KDM3B: variants seen among roughly 807,000 people sequenced by gnomAD.
KDM3B encodes lysine demethylase 3B.
In KDM3B, 10 loss-of-function variants were observed where a neutral mutation model predicts 170.0. The observed-to-expected ratio is 0.06, with a 90% confidence interval of 0.04 to 0.10. The LOEUF is 0.10. Among genes scored for constraint, KDM3B ranks in the 10% least tolerant of loss-of-function variants. The pLI, the probability that KDM3B is intolerant of heterozygous loss-of-function variation, is 1.00. For missense variants in KDM3B, 1,394 were observed against 2,195.2 expected, an observed-to-expected ratio of 0.64 and a Z score of 7.29; for synonymous variants, 831 against 834.8, an observed-to-expected ratio of 1.00 and a Z score of 0.08.
intron 11 of KDM3B, among the ~76,000 whole-genome samples, chr5:138,414,114 A>C (rs1482785663): frequency 6.6e-6 from 1 of 152,236 alleles, no homozygotes; most frequent in African/African-American, 2.4e-5. Context: ...CCCAACACAA[A>C]GACTGCATCC....
chr5:138,391,560 A>G lies in KDM3B; in HGVS notation c.1928A>G (p.Lys643Arg). ...AATCCTTTCCTGGCATTTGTGGAGA[A>G]AGTTGAACACAGCCCTTTCAGTAGT... Reference protein sequence around the residue: ...PSNPFLAFVEKVEHSPFSSFA... With the variant: ...PSNPFLAFVERVEHSPFSSFA... The change falls in exon 8 of 24, where the codon AAA (lysine) becomes AGA (arginine). Residue 643 changes from lysine (K) to arginine (R), a missense_variant. Lys to Arg is a conservative substitution (Grantham distance 26). Around this residue, in one of 19 missense-constraint regions of KDM3B, gnomAD observed 294 missense variants for 311.7 expected, o/e 0.94. Transcript: ENST00000314358. The surrounding 1 kb of genome is among the most constrained non-coding windows in gnomAD (Gnocchi z 5.0). 1.2e-6 allele frequency: 2 copies of G among 1,614,088 alleles called. No individual in the cohort carries two copies. Among genetic ancestry groups the G allele is most frequent in the Non-Finnish European group, 1.7e-6 (2 of 1,180,010 alleles).
At chr5:138,400,068 T>C in intron 11 of KDM3B, 56 bp downstream of exon 11, 11 of 1,560,108 alleles carry the variant, frequency 7.1e-6, no homozygotes, top group Non-Finnish European at 9.7e-6. Flanking sequence ...ATGTCCAAGA[T>C]GTTGTGGGAT....
At chr5:138,401,588 A>G (rs758135146) in intron 11 of KDM3B, among the ~76,000 whole-genome samples, 18 of 152,176 alleles carry the variant, frequency 1.2e-4, no homozygotes, top group Admixed American at 3.3e-4. Context: ...ATTTGTGTAC[A>G]GTTTTTTTGT....
At chr5:138,367,588 T>C (rs1761774132) in intron 1 of KDM3B, among the ~76,000 whole-genome samples, 1 of 152,242 alleles carries the variant, frequency 6.6e-6, no homozygotes. Flanking sequence ...TAAAATACTT[T>C]ACTTGGAATC....
chr5:138,358,241 C>CCAAGT (rs766291064), intron 1 of KDM3B, among the ~76,000 whole-genome samples: 2 of 151,674 alleles, frequency 1.3e-5, no homozygotes, highest in African/African-American at 2.4e-5. Flanking sequence ...CCTCGGCCTT[C>CCAAGT]CAAGTGCTGG....
At chr5:138,358,248 C>T (rs111409276) in intron 1 of KDM3B, among the ~76,000 whole-genome samples, 1 of 150,368 alleles carries the variant, frequency 6.7e-6, no homozygotes, top group Non-Finnish European at 1.5e-5. Flanking sequence ...CTTCCAAGTG[C>T]TGGGATTACA....
chr5:138,385,989 T>A (rs1357501735), intron 6 of KDM3B, 33 bp from the exon 7 acceptor site: 2 of 1,559,304 alleles, frequency 1.3e-6, no homozygotes, highest in African/African-American at 2.7e-5. Flanking sequence ...GATGAAAGTT[T>A]CCTTGTAATC....
chr5:138,415,930 A>C (rs559188914), intron 12 of KDM3B, among the ~76,000 whole-genome samples: 1 of 152,308 alleles, frequency 6.6e-6, no homozygotes, highest in Non-Finnish European at 1.5e-5. Flanking sequence ...TTAGGCTTGT[A>C]AAACAGCTAA....
At chr5:138,373,424 T>A (rs1761922089) in intron 2 of KDM3B, among the ~76,000 whole-genome samples, 1 of 152,156 alleles carries the variant, frequency 6.6e-6, no homozygotes, top group Non-Finnish European at 1.5e-5. Context: ...ATTTGTAACC[T>A]TTAAAGTTTT....
chr5:138,424,616 A>G (rs1399775074), intron 16 of KDM3B, among the ~76,000 whole-genome samples: 1 of 152,020 alleles, frequency 6.6e-6, no homozygotes, highest in Admixed American at 6.6e-5. Context: ...GTCTCTACTA[A>G]AAATACAAAA....
Position 138,431,607 on chromosome 5 carries a change from C to CA in KDM3B, c.5205+49dup, listed in dbSNP as rs767284779. ...CCACTCTGTCTTCTCATTGCATACT[C>CA]ACATACATTACGCAGAAAGCACATT... On this transcript the variant is annotated intron_variant, in intron 23 of 23. Transcript: ENST00000314358. 4.0e-6 allele frequency: 6 copies of CA among 1,483,642 alleles called. No homozygotes were observed. The African/African-American group carries it at 8.4e-5, about 21-fold the overall frequency. The allele number at this position is 1,483,642 out of a possible 1,614,324, so 91.9% of individuals were successfully genotyped here.
chr5:138,430,050 A>C, intron 21 of KDM3B, 85 bp downstream of exon 21: 1 of 1,545,716 alleles, frequency 6.5e-7, no homozygotes, highest in East Asian at 2.3e-5. Flanking sequence ...TCTCATGTAG[A>C]GTCCCTTGGC....
At chr5:138,395,323 T>C (rs1447541467) in intron 9 of KDM3B, among the ~76,000 whole-genome samples, 1 of 152,054 alleles carries the variant, frequency 6.6e-6, no homozygotes, top group African/African-American at 2.4e-5. Flanking sequence ...TACTCTCCAA[T>C]GTTTAGAGGT....
At chr5:138,402,437 T>C (rs1580923754) in intron 11 of KDM3B, among the ~76,000 whole-genome samples, 2 of 152,222 alleles carry the variant, frequency 1.3e-5, no homozygotes, top group African/African-American at 4.8e-5. Flanking sequence ...AACTATTGTA[T>C]CTTGGGCTAG....
intron 7 of KDM3B, among the ~76,000 whole-genome samples, chr5:138,388,030 G>A (rs759570552): frequency 4.0e-5 from 6 of 151,544 alleles, no homozygotes; most frequent in South Asian, 2.1e-4. Context: ...GCAGTGAGCC[G>A]AGATTGTGCC....
In KDM3B at chr5:138,424,064, G is replaced by C; in HGVS notation, c.3973-11G>C. The C allele has an allele frequency of 2.0e-6, 3 of 1,527,456 alleles. No individual in the cohort carries two copies. The highest frequency in any genetic ancestry group is 2.6e-6 in the Non-Finnish European group (3 of 1,136,170). 94.6% of individuals were successfully genotyped at this position (1,527,456 alleles called of 1,614,324 possible). A position where few individuals can be genotyped will look rare whatever the true frequency, so the allele number is the denominator to read the frequency against. ...TCAGTCAAGCTTACCTGGTGGATTTGTGTCTGGCAGGGAGTGAAGAGCAAG... is the reference window on the plus strand; with the variant it reads ...TCAGTCAAGCTTACCTGGTGGATTTCTGTCTGGCAGGGAGTGAAGAGCAAG... On this transcript the variant is annotated splice_polypyrimidine_tract_variant and intron_variant, in intron 15 of 23. Coordinates refer to ENST00000314358, the MANE Select transcript of KDM3B (RefSeq NM_016604.4).
chr5:138,371,824 A>C (rs1761881786), intron 1 of KDM3B, among the ~76,000 whole-genome samples: 1 of 152,136 alleles, frequency 6.6e-6, no homozygotes, highest in Non-Finnish European at 1.5e-5. Flanking sequence ...TTTTAATTTA[A>C]TTTTAAATTT....
intron 14 of KDM3B, among the ~76,000 whole-genome samples, chr5:138,419,666 A>ATAT (rs1476360145): frequency 0.01 from 1,151 of 113,886 alleles, 28 homozygotes; most frequent in Middle Eastern, 0.025. Context: ...AAAAAAAAAA[A>ATAT]AAATATATAT....
intron 10 of KDM3B, among the ~76,000 whole-genome samples, chr5:138,399,178 G>A (rs1370491178): frequency 3.3e-5 from 5 of 151,536 alleles, no homozygotes; most frequent in Admixed American, 2.6e-4. Flanking sequence ...GTGAGCCACC[G>A]CGCCCGGCCC....
Sources: allele counts gnomAD v4.1 joint callset (sites outside exome capture counted in the v4.1 genomes callset), GRCh38; gene constraint gnomAD v4.1.1; regional missense constraint gnomAD v4.1.1; non-coding constraint Gnocchi (gnomAD v3.1); transcripts MANE v1.5; gene names NCBI Gene and HGNC (gene_info 2026-07-23, HGNC 2026-07-21).